SGCD: variants seen among roughly 807,000 people sequenced by gnomAD.
SGCD encodes the protein sarcoglycan delta.
Under a neutral mutation model 36.6 loss-of-function variants are expected in SGCD, and 18 were observed. That is an observed-to-expected ratio of 0.49 (90% confidence interval 0.34 to 0.73). The LOEUF (loss-of-function observed/expected upper bound fraction) is 0.73, where lower values mean the gene tolerates loss of function less well. Among genes scored for constraint, SGCD ranks in the 30% least tolerant of loss-of-function variants. The pLI, the probability that SGCD is intolerant of heterozygous loss-of-function variation, is 0.01. For missense variants in SGCD, 387 were observed against 346.7 expected, an observed-to-expected ratio of 1.12 and a Z score of -0.92; for synonymous variants, 133 against 130.6, an observed-to-expected ratio of 1.02 and a Z score of -0.12.
intron 6 of SGCD, among the ~76,000 whole-genome samples, chr5:156,602,863 T>C (rs1761257092): frequency 6.6e-6 from 1 of 152,204 alleles, no homozygotes. Context: ...TTGAGAAATT[T>C]TGTATCTATG....
At position 156,492,373 on chromosome 5, in the gene SGCD, C is replaced by T. The variant is rs79490881; in HGVS notation, c.193-16228C>T. The stretch of plus-strand genomic sequence containing the variant: ...AAAATCCCACATCTGCAATCTGCAA[C>T]CTGGAGACTCAGGAGAACTGATGGC... On this transcript the variant is annotated intron_variant, in intron 3 of 8. Transcript: ENST00000337851. 4.8e-3 allele frequency among the ~76,000 whole-genome samples: 726 copies of T among 152,152 alleles called. 7 individuals are homozygous for T. Among genetic ancestry groups the T allele is most frequent in the African/African-American group, 0.014 (579 of 41,534 alleles).
rs56293630 is a variant in SGCD at position 156,762,102 on chromosome 5, T to C, written c.*2712T>C. On this transcript the variant is annotated 3_prime_UTR_variant, in exon 9 of 9. Transcript: ENST00000337851. ...AGAGAAAAAATTTTACCTGAATTCT[T>C]GGGGGCCGGCGGGGAGCTTTTACAT... 0.083 allele frequency: 12,624 copies of C among 152,486 alleles called. 866 individuals carry two copies. Among genetic ancestry groups the C allele is most frequent in the African/African-American group, 0.18 (7,649 of 41,414 alleles). The allele number at this position is 152,486 out of a possible 1,614,324, so 9.4% of individuals were successfully genotyped here. A position where few individuals can be genotyped will look rare whatever the true frequency, so the allele number is the denominator to read the frequency against.
intron 3 of SGCD, among the ~76,000 whole-genome samples, chr5:156,489,024 A>G (rs1051488460): frequency 6.6e-6 from 1 of 152,124 alleles, no homozygotes; most frequent in African/African-American, 2.4e-5. Context: ...AAGTGAAGGA[A>G]TGGAAAAAGG....
intron 3 of SGCD, among the ~76,000 whole-genome samples, chr5:156,422,395 G>A (rs1580967263): frequency 6.6e-6 from 1 of 151,914 alleles, no homozygotes; most frequent in African/African-American, 2.4e-5. Context: ...AGAAAAGCCT[G>A]TAGTGAGCAG....
At chr5:155,947,288 T>C (rs1757455918) in intron 1 of SGCD, among the ~76,000 whole-genome samples, 1 of 133,234 alleles carries the variant, frequency 7.5e-6, no homozygotes, top group Non-Finnish European at 1.6e-5. Flanking sequence ...TTATCATAAA[T>C]ACTCTTGTGT....
chr5:155,980,120 C>T (rs1396532481), intron 1 of SGCD, among the ~76,000 whole-genome samples: 2 of 152,112 alleles, frequency 1.3e-5, no homozygotes, highest in Non-Finnish European at 2.9e-5. Context: ...TAACCAGAAG[C>T]CAACCATGTT....
In SGCD at chr5:156,767,181, T is replaced by A. The variant is rs986290251; in HGVS notation, c.*7791T>A. Reference sequence around the variant, plus strand: ...TAGCTCTCTGGAAGAGATGCAAGATTCTAGAAAAGTAAAGGGAAGTGTCGG... The same window carrying A: ...TAGCTCTCTGGAAGAGATGCAAGATACTAGAAAAGTAAAGGGAAGTGTCGG... On this transcript the variant is annotated 3_prime_UTR_variant, in exon 9 of 9. Transcript: ENST00000337851. 6.6e-6 allele frequency: 1 copy of A among 152,188 alleles called. No individual in the cohort carries two copies. Among genetic ancestry groups the A allele is most frequent in the Non-Finnish European group, 1.5e-5 (1 of 68,028 alleles). The allele number at this position is 152,188 out of a possible 1,614,324, so 9.4% of individuals were successfully genotyped here. A position where few individuals can be genotyped will look rare whatever the true frequency, so the allele number is the denominator to read the frequency against.
chr5:156,611,315 C>A (rs977564546), intron 6 of SGCD, among the ~76,000 whole-genome samples: 3 of 152,178 alleles, frequency 2.0e-5, no homozygotes, highest in Admixed American at 1.3e-4. Context: ...GACGAATTCC[C>A]TCAGCTTTTG....
the SGCD span, among the ~76,000 whole-genome samples, chr5:155,856,469 C>G: frequency 6.6e-6 from 1 of 151,990 alleles, no homozygotes; most frequent in African/African-American, 2.4e-5. Context: ...TAAAAGTAAC[C>G]TCTAAGTACA....
At chr5:155,779,767 C>G in the SGCD span, among the ~76,000 whole-genome samples, 1 of 152,094 alleles carries the variant, frequency 6.6e-6, no homozygotes, top group South Asian at 2.1e-4. Context: ...AATTGACAGT[C>G]CCCTCAGTAA....
intron 4 of SGCD, among the ~76,000 whole-genome samples, chr5:156,568,513 G>A (rs1176151541): frequency 6.6e-6 from 1 of 152,252 alleles, no homozygotes; most frequent in African/African-American, 2.4e-5. Flanking sequence ...TAGGTGCCTA[G>A]TTGACTTATT....
At chr5:156,045,827 A>G (rs1455925796) in intron 1 of SGCD, among the ~76,000 whole-genome samples, 1 of 152,124 alleles carries the variant, frequency 6.6e-6, no homozygotes, top group Non-Finnish European at 1.5e-5. Flanking sequence ...AACTTGAATT[A>G]CTTCCTTAGA....
chr5:156,590,207 T>C, intron 5 of SGCD, among the ~76,000 whole-genome samples: 1 of 152,172 alleles, frequency 6.6e-6, no homozygotes, highest in East Asian at 1.9e-4. Flanking sequence ...ACTGTTATTG[T>C]GAATAAAATA....
At chr5:156,569,506 C>T (rs1011329977) in intron 4 of SGCD, among the ~76,000 whole-genome samples, 1 of 151,780 alleles carries the variant, frequency 6.6e-6, no homozygotes, top group Admixed American at 6.6e-5. Flanking sequence ...GCAGGAGAAT[C>T]GCTTGAACTT....
chr5:156,723,426 A>G (rs1755611160), intron 7 of SGCD, among the ~76,000 whole-genome samples: 1 of 152,200 alleles, frequency 6.6e-6, no homozygotes. Flanking sequence ...TCATCCTACC[A>G]ATGGGATTAG....
intron 3 of SGCD, among the ~76,000 whole-genome samples, chr5:156,351,671 G>T (rs1000508659): frequency 1.8e-4 from 28 of 151,854 alleles, no homozygotes; most frequent in African/African-American, 6.3e-4. Context: ...TTCTCTGCCA[G>T]GCACTACACT....
intron 3 of SGCD, among the ~76,000 whole-genome samples, chr5:156,284,370 A>G (rs1244715238): frequency 1.3e-5 from 2 of 152,150 alleles, no homozygotes; most frequent in Non-Finnish European, 2.9e-5. Flanking sequence ...ACACAACAAA[A>G]AAAGAGAATT....
chr5:156,339,636 A>G (rs1580842549), intron 2 of SGCD, among the ~76,000 whole-genome samples: 1 of 151,526 alleles, frequency 6.6e-6, no homozygotes, highest in African/African-American at 2.4e-5. Flanking sequence ...CACAGTGCAG[A>G]TAAAGTTTAT....
intron 1 of SGCD, among the ~76,000 whole-genome samples, chr5:155,879,527 C>T (rs1368291661): frequency 1.3e-5 from 2 of 152,070 alleles, no homozygotes; most frequent in African/African-American, 4.8e-5. Flanking sequence ...CACACAATTT[C>T]CTTTGGATGC....
Sources: allele counts gnomAD v4.1 joint callset (sites outside exome capture counted in the v4.1 genomes callset), GRCh38; gene constraint gnomAD v4.1.1; transcripts MANE v1.5; gene names NCBI Gene and HGNC (gene_info 2026-07-23, HGNC 2026-07-21).